Variants in SNX7 observed in about 807,000 individuals in gnomAD.
SNX7 encodes sorting nexin 7.
A neutral mutation model predicts 48.4 loss-of-function variants in SNX7; 35 were observed. The observed-to-expected ratio is 0.72, with a 90% confidence interval of 0.55 to 0.96. The LOEUF (loss-of-function observed/expected upper bound fraction) is 0.96. Among genes scored for constraint, SNX7 ranks in the 40% least tolerant of loss-of-function variants. The pLI is 0.00. For missense variants in SNX7, 553 were observed against 548.9 expected, an observed-to-expected ratio of 1.01 and a Z score of -0.07; for synonymous variants, 190 against 190.2, an observed-to-expected ratio of 1.00 and a Z score of 0.01.
At chr1:98,677,251 A>G (rs925088766) in intron 1 of SNX7, 1 of 152,256 alleles carries the variant, frequency 6.6e-6, no homozygotes, top group African/African-American at 2.4e-5. Context: ...TTATTTATAA[A>G]GAATAACATG....
At chr1:98,752,618 A>G (rs1427177601) in intron 8 of SNX7, among the ~76,000 whole-genome samples, 1 of 152,036 alleles carries the variant, frequency 6.6e-6, no homozygotes, top group East Asian at 1.9e-4. Context: ...TAGTGTTCAA[A>G]TAGAAAAGTG....
At chr1:98,755,858 GT>G (rs935302297) in intron 8 of SNX7, among the ~76,000 whole-genome samples, 1 of 151,794 alleles carries the variant, frequency 6.6e-6, no homozygotes, top group African/African-American at 2.4e-5. Flanking sequence ...GGTAGGTCTT[GT>G]TTTTTTATTC....
At chr1:98,739,662 C>A (rs1020854899) in intron 8 of SNX7, among the ~76,000 whole-genome samples, 32 of 150,820 alleles carry the variant, frequency 2.1e-4, no homozygotes, top group African/African-American at 6.1e-4. Context: ...TATGCAGAGA[C>A]CTGAATGATG....
At chr1:98,661,948 A>C in intron 1 of SNX7, 37 bp downstream of exon 1, 1 of 1,245,776 alleles carries the variant, frequency 8.0e-7, no homozygotes, top group East Asian at 3.2e-5. Context: ...GAAACTTCCA[A>C]GGCAACTCCG....
intron 1 of SNX7, among the ~76,000 whole-genome samples, chr1:98,673,560 G>C (rs1159813646): frequency 6.6e-6 from 1 of 152,140 alleles, no homozygotes; most frequent in Non-Finnish European, 1.5e-5. Context: ...CTTCATGAGA[G>C]CAGGAACTCT....
intron 6 of SNX7, among the ~76,000 whole-genome samples, chr1:98,700,509 ACTT>A (rs1321314303): frequency 6.6e-6 from 1 of 151,690 alleles, no homozygotes; most frequent in African/African-American, 2.4e-5. Context: ...TTTTCTATGG[ACTT>A]CTTTGCAACT....
chr1:98,679,520 G>C (rs913711047), intron 1 of SNX7, among the ~76,000 whole-genome samples: 3 of 152,108 alleles, frequency 2.0e-5, no homozygotes, highest in Non-Finnish European at 4.4e-5. Flanking sequence ...GCAGTCCAAA[G>C]TCTCACGTGA....
intron 5 of SNX7, among the ~76,000 whole-genome samples, chr1:98,696,606 G>A (rs1651473641): frequency 6.6e-6 from 1 of 152,002 alleles, no homozygotes; most frequent in Admixed American, 6.6e-5. Flanking sequence ...ATAACTGCAT[G>A]TACTTTGCCC....
intron 7 of SNX7, 43 bp downstream of exon 7, chr1:98,701,946 G>T: frequency 7.1e-7 from 1 of 1,407,050 alleles, no homozygotes; most frequent in Non-Finnish European, 9.9e-7. Context: ...AGAATTCATT[G>T]TCTAAAATTT....
chr1:98,751,893 C>T (rs1019897803), intron 8 of SNX7, among the ~76,000 whole-genome samples: 2 of 152,046 alleles, frequency 1.3e-5, no homozygotes, highest in African/African-American at 4.8e-5. Flanking sequence ...TTGGTTCTCC[C>T]ATGATAGTAT....
intron 1 of SNX7, among the ~76,000 whole-genome samples, chr1:98,674,733 G>C (rs928994564): frequency 1.3e-5 from 2 of 152,148 alleles, no homozygotes; most frequent in Non-Finnish European, 2.9e-5. Flanking sequence ...CTATTATCAT[G>C]CTAACACCAA....
rs1019869689 is a variant in SNX7 at position 98,696,498 on chromosome 1, GA to G, written c.838+790del. Among the ~76,000 whole-genome samples, 65 of 151,412 alleles carry G rather than the reference GA, an allele frequency of 4.3e-4. 1 individual carries two copies. The highest frequency in any genetic ancestry group is 1.5e-3 in the African/African-American group (61 of 41,338). The stretch of plus-strand genomic sequence containing the variant: ...CTTAATTAAAATTTGTTCAGTGATT[GA>G]AAAAAAACCACGAATGAACATAAGA... On this transcript the variant is annotated intron_variant, in intron 5 of 8. Transcript: ENST00000306121.
intron 7 of SNX7, among the ~76,000 whole-genome samples, chr1:98,735,678 G>GC (rs1211228412): frequency 6.6e-6 from 1 of 152,042 alleles, no homozygotes; most frequent in African/African-American, 2.4e-5. Context: ...AAATTTTCAG[G>GC]CCCTGTGTAA....
chr1:98,676,463 G>A (rs1650172511), intron 1 of SNX7, among the ~76,000 whole-genome samples: 2 of 152,028 alleles, frequency 1.3e-5, no homozygotes, highest in East Asian at 3.9e-4. Flanking sequence ...GTGATAATAG[G>A]CTGAACCTTC....
At chr1:98,662,783 G>T in intron 1 of SNX7, 2 of 1,289,346 alleles carry the variant, frequency 1.6e-6, no homozygotes, top group Non-Finnish European at 2.0e-6. Flanking sequence ...TTACTAAGAA[G>T]CCTGTTCATT....
chr1:98,714,779 A>G lies in SNX7; in HGVS notation c.1125+12876A>G, dbSNP rs142544286. Among the ~76,000 whole-genome samples, 9 of 152,334 alleles carry G rather than the reference A, an allele frequency of 5.9e-5. No individual in the cohort carries two copies. The East Asian group carries it at 7.7e-4, about 13-fold the overall frequency. On this transcript the variant is annotated intron_variant, in intron 7 of 8. Transcript: ENST00000306121. The stretch of plus-strand genomic sequence containing the variant: ...ATATGAAGGACAGAGGCGCAGCACT[A>G]TGGCATGAGGACTGAAAGCGAGCGG...
At chr1:98,722,197 T>C (rs1652916231) in intron 7 of SNX7, among the ~76,000 whole-genome samples, 1 of 152,182 alleles carries the variant, frequency 6.6e-6, no homozygotes. Flanking sequence ...TGTGTTTTAC[T>C]GAACAAGTTA....
chr1:98,683,131 T>C (rs1470059164), intron 1 of SNX7, among the ~76,000 whole-genome samples: 8 of 152,222 alleles, frequency 5.3e-5, no homozygotes, highest in African/African-American at 1.7e-4. Context: ...TCATGGTTTT[T>C]TAAAAAGTGT....
intron 7 of SNX7, among the ~76,000 whole-genome samples, chr1:98,731,195 G>C (rs1653491384): frequency 6.7e-6 from 1 of 149,884 alleles, no homozygotes; most frequent in Non-Finnish European, 1.5e-5. Context: ...CCAAAGTATA[G>C]GAATACTGTT....
Sources: allele counts gnomAD v4.1 joint callset (sites outside exome capture counted in the v4.1 genomes callset), GRCh38; gene constraint gnomAD v4.1.1; transcripts MANE v1.5; gene names NCBI Gene and HGNC (gene_info 2026-07-23, HGNC 2026-07-21).